Variants in PLB1 observed in about 807,000 individuals in gnomAD.
PLB1 encodes the protein phospholipase B1.
In PLB1, 242 loss-of-function variants were observed where a neutral mutation model predicts 227.4. That is an observed-to-expected ratio of 1.06 (90% confidence interval 0.96 to 1.18). PLB1 has a LOEUF of 1.18. Among genes scored for constraint, PLB1 ranks in the 50% most tolerant of loss-of-function variants. PLB1 has a pLI of 0.00. For synonymous variants in PLB1, 757 were observed against 682.2 expected (o/e 1.11, Z -1.71); for missense variants, 1,858 against 1,816.3 (o/e 1.02, Z -0.42).
chr2:28,552,240 T>TAAGG lies in PLB1; in HGVS notation c.1084-687_1084-684dup, dbSNP rs1253201739. Among the ~76,000 whole-genome samples, 12 of 152,188 alleles carry TAAGG rather than the reference T, an allele frequency of 7.9e-5. No individual in the cohort carries two copies. The East Asian group carries it at 2.3e-3, about 29-fold the overall frequency. ...CACGACCTCAGTCTTGAAGGGTGAC[T>TAAGG]AAGGCTGAGGCAGATTGATGGGAGG... is the stretch of plus-strand genomic sequence containing the variant. On this transcript the variant is annotated intron_variant, in intron 16 of 57. Transcript: ENST00000327757.
At chr2:28,538,626 G>C (rs961022939) in intron 10 of PLB1, among the ~76,000 whole-genome samples, 2 of 152,298 alleles carry the variant, frequency 1.3e-5, no homozygotes, top group Middle Eastern at 3.4e-3. Flanking sequence ...CGGTGGCCCT[G>C]CTCTTCCCTA....
intron 25 of PLB1, among the ~76,000 whole-genome samples, chr2:28,583,000 C>T (rs1332348421): frequency 1.3e-5 from 2 of 152,048 alleles, no homozygotes; most frequent in East Asian, 3.9e-4. Flanking sequence ...GAGGTCAAAC[C>T]AGAATTAGCA....
chr2:28,592,751 G>T (rs771166358), intron 32 of PLB1, 32 bp downstream of exon 32: 4 of 1,606,568 alleles, frequency 2.5e-6, no homozygotes, highest in Non-Finnish European at 3.4e-6. Flanking sequence ...GTGGTTTGGG[G>T]ATAACTAGGC....
intron 19 of PLB1, among the ~76,000 whole-genome samples, chr2:28,565,603 T>A (rs1446904607): frequency 6.6e-6 from 1 of 152,196 alleles, no homozygotes; most frequent in Non-Finnish European, 1.5e-5. Flanking sequence ...GGGCTGGAAA[T>A]GCTTCTCTGG....
At position 28,642,901 on chromosome 2, in the gene PLB1, C is replaced by T. The variant is rs1360598183; in HGVS notation, c.4217C>T (p.Pro1406Leu). Residue 1406 changes from proline (P) to leucine (L), a missense_variant, in exon 58 of 58, where the codon CCA (proline) becomes CTA (leucine). Transcript: ENST00000327757. ...ACCCTGCGGAACAGCCGATTGCTCC[C>T]AGACCAGGCTGAAGAAGCCCCCGAG... is the stretch of plus-strand genomic sequence containing the variant. ...LYTLRNSRLL[P>L]DQAEEAPEVL... 1.2e-6 allele frequency: 2 copies of T among 1,608,528 alleles called. No individual in the cohort carries two copies. The highest frequency in any genetic ancestry group is 1.1e-5 in the South Asian group (1 of 89,668).
chr2:28,514,016 G>C (rs1395467998), intron 1 of PLB1, among the ~76,000 whole-genome samples: 1 of 152,074 alleles, frequency 6.6e-6, no homozygotes, highest in Non-Finnish European at 1.5e-5. Flanking sequence ...ACAGGCACTG[G>C]GTTAGATCTT....
At chr2:28,513,216 G>T (rs973350460) in intron 1 of PLB1, among the ~76,000 whole-genome samples, 1 of 152,128 alleles carries the variant, frequency 6.6e-6, no homozygotes, top group African/African-American at 2.4e-5. Flanking sequence ...TTCATGCTCT[G>T]GCTGGTAGTA....
At chr2:28,540,300 G>A (rs1672300685) in intron 11 of PLB1, 66 bp from the exon 12 acceptor site, 1 of 1,363,086 alleles carries the variant, frequency 7.3e-7, no homozygotes, top group East Asian at 2.3e-5. Context: ...GAGGCGGGCT[G>A]GATGCATCCC....
chr2:28,623,829 C>T (rs963829136), intron 49 of PLB1, among the ~76,000 whole-genome samples: 17 of 152,194 alleles, frequency 1.1e-4, no homozygotes, highest in African/African-American at 3.9e-4. Flanking sequence ...TGGCTGGGTG[C>T]GGTGGCTCAC....
intron 17 of PLB1, among the ~76,000 whole-genome samples, chr2:28,557,612 G>A (rs1675343692): frequency 6.6e-6 from 1 of 152,138 alleles, no homozygotes; most frequent in African/African-American, 2.4e-5. Context: ...CTTGCTATTT[G>A]TGATGCTTCG....
At chr2:28,571,189 AT>A in intron 20 of PLB1, among the ~76,000 whole-genome samples, 1 of 152,364 alleles carries the variant, frequency 6.6e-6, no homozygotes. Flanking sequence ...AGCAATTAAT[AT>A]GAAAATGAAA....
intron 13 of PLB1, among the ~76,000 whole-genome samples, chr2:28,542,295 T>C (rs1672619777): frequency 6.6e-6 from 1 of 152,168 alleles, no homozygotes; most frequent in South Asian, 2.1e-4. Context: ...ATATTATACT[T>C]TCCTGTACAA....
intron 54 of PLB1, among the ~76,000 whole-genome samples, chr2:28,631,077 C>A (rs1328920581): frequency 6.6e-6 from 1 of 151,826 alleles, no homozygotes; most frequent in East Asian, 1.9e-4. Context: ...CAGCTTGAGC[C>A]CAGGAGTTGG....
intron 14 of PLB1, among the ~76,000 whole-genome samples, chr2:28,547,305 C>T (rs370635598): frequency 8.5e-5 from 13 of 152,184 alleles, no homozygotes; most frequent in Middle Eastern, 3.4e-3. Flanking sequence ...CTTTGACAGC[C>T]GCCTTGAATG....
chr2:28,617,974 G>T (rs1686437271), intron 45 of PLB1, among the ~76,000 whole-genome samples, 187 bp downstream of exon 45: 1 of 152,206 alleles, frequency 6.6e-6, no homozygotes, highest in African/African-American at 2.4e-5. Context: ...GCTCTCCATT[G>T]GATGCTACTT....
At chr2:28,598,852 A>G (rs1683406929) in intron 35 of PLB1, 92 bp downstream of exon 35, 1 of 1,128,522 alleles carries the variant, frequency 8.9e-7, no homozygotes, top group Non-Finnish European at 1.3e-6. Flanking sequence ...TCTATGTGCA[A>G]AGGGGCACTT....
chr2:28,591,689 T>C lies in PLB1; in HGVS notation c.2128-11T>C, dbSNP rs759500339. ...AACCCTGAGATTCTGGGATTTGTTC[T>C]ATGCCCTTAGGGTCATGGGACCTGG... On this transcript the variant is annotated splice_polypyrimidine_tract_variant and intron_variant, in intron 30 of 57. Transcript: ENST00000327757. 1.2e-5 allele frequency: 19 copies of C among 1,613,796 alleles called. No homozygotes were observed. The highest frequency in any genetic ancestry group is 1.7e-5 in the Admixed American group (1 of 60,006).
chr2:28,504,198 C>T (rs1248004120), intron 1 of PLB1, among the ~76,000 whole-genome samples: 1 of 152,298 alleles, frequency 6.6e-6, no homozygotes, highest in East Asian at 1.9e-4. Context: ...GTCTCTTCAC[C>T]TCTCTACCAA....
intron 19 of PLB1, 69 bp downstream of exon 19, chr2:28,565,422 C>G (rs1676722664): frequency 1.4e-6 from 2 of 1,409,486 alleles, no homozygotes; most frequent in South Asian, 1.2e-5. Context: ...CCTGAGTGTT[C>G]TAGAAAACAA....
Sources: gnomAD v4.1 joint callset for allele counts (sites outside exome capture counted in the v4.1 genomes callset) on GRCh38, gnomAD v4.1.1 for gene constraint, MANE v1.5 for transcripts, NCBI Gene and HGNC (gene_info 2026-07-23, HGNC 2026-07-21) for gene names.